Variants in VPS36 observed in about 807,000 individuals in gnomAD.
VPS36 encodes vacuolar protein sorting 36 homolog.
In VPS36, 31 loss-of-function variants were observed where a neutral mutation model predicts 63.5. That is an observed-to-expected ratio of 0.49 (90% CI 0.37 to 0.66). The LOEUF is 0.66. Ranked by LOEUF, VPS36 falls within the 30% of genes least tolerant of loss-of-function variation. The pLI is 0.00. For missense variants in VPS36, 338 were observed against 463.7 expected, an observed-to-expected ratio of 0.73 and a Z score of 2.49; for synonymous variants, 138 against 157.2, an observed-to-expected ratio of 0.88 and a Z score of 0.91.
intron 1 of VPS36, among the ~76,000 whole-genome samples, chr13:52,448,423 G>C (rs1594127066): frequency 6.6e-6 from 1 of 152,192 alleles, no homozygotes; most frequent in African/African-American, 2.4e-5. Flanking sequence ...GGACCGCATA[G>C]CTGCAAGGCA....
Position 52,417,119 on chromosome 13 carries a change from C to A in VPS36, c.928G>T (p.Val310Phe). 1.2e-6 allele frequency: 2 copies of A among 1,613,962 alleles called. No homozygotes were observed. The highest frequency in any genetic ancestry group is 1.7e-6 in the Non-Finnish European group (2 of 1,179,964). Reference sequence around the variant, plus strand: ...TGAGACTGAAGCTCAATTACCATGACGCCACTGTCAAACACACGGAGCCTG... The same window carrying A: ...TGAGACTGAAGCTCAATTACCATGAAGCCACTGTCAAACACACGGAGCCTG... The part of the protein sequence containing the change: ...PLRLRVFDSG[V>F]MVIELQSHKE... The change falls in exon 12 of 14, where the codon GTC becomes TTC. Residue 310 changes from valine (V) to phenylalanine (F), a missense_variant. Transcript: ENST00000378060.
At chr13:52,434,421 C>A (rs1159396846) in intron 5 of VPS36, among the ~76,000 whole-genome samples, 2 of 151,944 alleles carry the variant, frequency 1.3e-5, no homozygotes, top group Non-Finnish European at 2.9e-5. Flanking sequence ...TGCAATGGTG[C>A]AATCTTGGCT....
chr13:52,450,036 T>A (rs962993547), intron 1 of VPS36: 1 of 987,212 alleles, frequency 1.0e-6, no homozygotes, highest in African/African-American at 1.7e-5. Context: ...GGGCACGGAC[T>A]GTACGGCCAC....
chr13:52,422,391 C>T (rs927608693), intron 10 of VPS36, among the ~76,000 whole-genome samples: 7 of 152,020 alleles, frequency 4.6e-5, no homozygotes, highest in Admixed American at 3.3e-4. Context: ...TCTATCTTTG[C>T]TTTTTTAAAA....
intron 6 of VPS36, among the ~76,000 whole-genome samples, chr13:52,433,279 G>A (rs1288159059): frequency 6.6e-6 from 1 of 152,126 alleles, no homozygotes; most frequent in Middle Eastern, 3.2e-3. Flanking sequence ...AAAATGGTGT[G>A]GTATCTGGCC....
In VPS36 at chr13:52,420,058, TG is replaced by T. The variant is rs201540052; in HGVS notation, c.841-2003del. Among the ~76,000 whole-genome samples the T allele has an allele frequency of 3.3e-3, 498 of 152,040 alleles. 3 individuals carry two copies. Among genetic ancestry groups the T allele is most frequent in the African/African-American group, 0.011 (449 of 41,496 alleles). On this transcript the variant is annotated intron_variant, in intron 10 of 13. Coordinates refer to ENST00000378060, the MANE Select transcript of VPS36 (RefSeq NM_016075.4). ...GAGTTCAAGACCAGCCTGGCCAACATGGAGAAACCCCGTCTCTACTAAAAAT... is the reference window on the plus strand; with the variant it reads ...GAGTTCAAGACCAGCCTGGCCAACATGAGAAACCCCGTCTCTACTAAAAAT...
At position 52,436,279 on chromosome 13, in the gene VPS36, T is replaced by A. The variant is rs1460170920; in HGVS notation, c.351+11A>T. 8 of 1,577,380 alleles carry A rather than the reference T, an allele frequency of 5.1e-6. No individual in the cohort carries two copies. Among genetic ancestry groups the A allele is most frequent in the Non-Finnish European group, 6.9e-6 (8 of 1,151,968 alleles). Reference sequence around the variant, plus strand: ...CCTTTCTAGTACGATTTTATTCATGTAGAAACTTACCTCAATCTGGCCATG... The same window carrying A: ...CCTTTCTAGTACGATTTTATTCATGAAGAAACTTACCTCAATCTGGCCATG... On this transcript the variant is annotated intron_variant, in intron 4 of 13. Coordinates refer to ENST00000378060, the MANE Select transcript of VPS36 (RefSeq NM_016075.4).
chr13:52,432,264 T>A (rs534166366), intron 6 of VPS36, among the ~76,000 whole-genome samples: 21 of 152,056 alleles, frequency 1.4e-4, no homozygotes, highest in African/African-American at 5.1e-4. Context: ...GGCAGGAGAA[T>A]GGCGTGAACC....
At chr13:52,420,838 C>T (rs1030168440) in intron 10 of VPS36, among the ~76,000 whole-genome samples, 10 of 151,932 alleles carry the variant, frequency 6.6e-5, no homozygotes, top group Non-Finnish European at 1.2e-4. Context: ...ATTTGGGGGC[C>T]GGGCATGGCG....
chr13:52,415,812 AT>A lies in VPS36; in HGVS notation c.*17del, dbSNP rs1207847701. 4.3e-6 allele frequency: 7 copies of A among 1,610,860 alleles called. No homozygotes were observed. Among genetic ancestry groups the A allele is most frequent in the Non-Finnish European group, 5.9e-6 (7 of 1,178,182 alleles). On this transcript the variant is annotated 3_prime_UTR_variant, in exon 14 of 14. Coordinates refer to ENST00000378060, the MANE Select transcript of VPS36 (RefSeq NM_016075.4). ...TGACGCAAGCATATGGACAAAAAGG[AT>A]TTTAAATACAAAACCCTTAGCTCTG...
chr13:52,434,571 C>G (rs1436775752), intron 5 of VPS36, among the ~76,000 whole-genome samples: 3 of 152,248 alleles, frequency 2.0e-5, no homozygotes, highest in East Asian at 3.9e-4. Context: ...GTTGGCCAGG[C>G]TGGTCTTGAA....
intron 12 of VPS36, 74 bp downstream of exon 12, chr13:52,416,983 C>A: frequency 8.0e-7 from 1 of 1,246,994 alleles, no homozygotes; most frequent in Non-Finnish European, 1.1e-6. Context: ...AAAGGAAATC[C>A]TGTTTTTTGA....
At chr13:52,426,671 C>T (rs760035389) in intron 8 of VPS36, among the ~76,000 whole-genome samples, 6 of 152,006 alleles carry the variant, frequency 3.9e-5, no homozygotes, top group African/African-American at 7.2e-5. Context: ...CTGACTAACA[C>T]GGTGAAACCC....
chr13:52,418,082 T>C (rs199571122), intron 10 of VPS36, 26 bp from the exon 11 acceptor site: 21 of 1,580,142 alleles, frequency 1.3e-5, no homozygotes, highest in Admixed American at 6.8e-5. Context: ...AATCCAGTAA[T>C]GCTATACAAT....
At chr13:52,432,065 T>C (rs1227367429) in intron 6 of VPS36, among the ~76,000 whole-genome samples, 4 of 151,786 alleles carry the variant, frequency 2.6e-5, no homozygotes, top group Admixed American at 6.6e-5. Flanking sequence ...AAAAACCTAA[T>C]TAGTTGGCTG....
intron 2 of VPS36, among the ~76,000 whole-genome samples, chr13:52,441,676 T>C (rs972105116): frequency 2.0e-5 from 3 of 151,506 alleles, no homozygotes; most frequent in South Asian, 4.2e-4. Flanking sequence ...CACTTGAACC[T>C]GGGAGGCGGA....
At chr13:52,426,372 T>C (rs1384293210) in intron 8 of VPS36, among the ~76,000 whole-genome samples, 1 of 152,166 alleles carries the variant, frequency 6.6e-6, no homozygotes, top group African/African-American at 2.4e-5. Flanking sequence ...GAAAAGAAAA[T>C]GGCTGTGATT....
At chr13:52,422,164 C>T (rs1958053506) in intron 10 of VPS36, among the ~76,000 whole-genome samples, 1 of 152,130 alleles carries the variant, frequency 6.6e-6, no homozygotes, top group Non-Finnish European at 1.5e-5. Context: ...CTATTCTCTA[C>T]CTCCATGAGA....
intron 6 of VPS36, among the ~76,000 whole-genome samples, chr13:52,431,146 G>A (rs1958150876): frequency 1.3e-5 from 2 of 152,014 alleles, no homozygotes; most frequent in South Asian, 4.1e-4. Flanking sequence ...AAAACTAAGA[G>A]TCAATGAGAG....
Sources: gnomAD v4.1 joint callset for allele counts (sites outside exome capture counted in the v4.1 genomes callset) on GRCh38, gnomAD v4.1.1 for gene constraint, MANE v1.5 for transcripts, NCBI Gene and HGNC (gene_info 2026-07-23, HGNC 2026-07-21) for gene names.